TBC1D1: variants seen among roughly 807,000 people sequenced by gnomAD.
TBC1D1 encodes the protein TBC1 (tre-2/USP6, BUB2, cdc16) domain family, member 1.
TBC1D1 carries 89 observed loss-of-function variants against 125.6 expected under a neutral mutation model. The ratio of observed to expected loss-of-function variants is 0.71; its 90% confidence interval spans 0.60 to 0.85. The LOEUF (loss-of-function observed/expected upper bound fraction) is 0.85, where lower values mean the gene tolerates loss of function less well. TBC1D1 is among the 40% of genes least tolerant of loss of function. The pLI is 0.00. For synonymous variants in TBC1D1, 565 were observed against 564.1 expected (o/e 1.00, Z -0.02); for missense variants, 1,377 against 1,469.2 (o/e 0.94, Z 1.03).
intron 2 of TBC1D1, among the ~76,000 whole-genome samples, chr4:37,914,646 C>G (rs1719325971): frequency 6.6e-6 from 1 of 152,214 alleles, no homozygotes; most frequent in South Asian, 2.1e-4. Context: ...TGCTCAAAAC[C>G]TCTCTAGTGG....
chr4:38,138,075 T>G lies in TBC1D1; in HGVS notation c.*740T>G, dbSNP rs894237962. On this transcript the variant is annotated 3_prime_UTR_variant, in exon 20 of 20. Coordinates refer to ENST00000261439, the MANE Select transcript of TBC1D1 (RefSeq NM_015173.4). ...AATGATTTATTTAATTTGGATATCC[T>G]GATCACTGTCAAGTGAAATGGATCT... The G allele has an allele frequency of 4.6e-5, 7 of 152,302 alleles. No homozygotes were observed. The highest frequency in any genetic ancestry group is 1.7e-4 in the African/African-American group (7 of 41,458). The allele number at this position is 152,302 out of a possible 1,614,324, so 9.4% of individuals were successfully genotyped here.
intron 1 of TBC1D1, among the ~76,000 whole-genome samples, 154 bp downstream of exon 1, chr4:37,891,502 G>A (rs913989729): frequency 7.3e-5 from 11 of 151,668 alleles, no homozygotes; most frequent in African/African-American, 2.4e-4. Flanking sequence ...TCTCTCGGGG[G>A]AGGAAGTTCA....
At chr4:37,999,122 G>A (rs1738466930) in intron 2 of TBC1D1, among the ~76,000 whole-genome samples, 1 of 152,232 alleles carries the variant, frequency 6.6e-6, no homozygotes, top group Admixed American at 6.5e-5. Context: ...GGTGGTGGGC[G>A]CCTGTAATCC....
intron 16 of TBC1D1, among the ~76,000 whole-genome samples, chr4:38,117,147 G>A (rs1254644622): frequency 8.5e-5 from 13 of 152,178 alleles, no homozygotes; most frequent in East Asian, 1.9e-4. Flanking sequence ...GACAGTCTTC[G>A]ATATGGGAGA....
intron 2 of TBC1D1, among the ~76,000 whole-genome samples, chr4:37,938,393 C>T (rs954230454): frequency 1.3e-5 from 2 of 152,036 alleles, no homozygotes; most frequent in Non-Finnish European, 2.9e-5. Context: ...ACTTTTAGTG[C>T]CCAGGAAGCA....
At chr4:38,100,951 A>G (rs1274867416) in intron 14 of TBC1D1, among the ~76,000 whole-genome samples, 1 of 152,176 alleles carries the variant, frequency 6.6e-6, no homozygotes, top group Non-Finnish European at 1.5e-5. Flanking sequence ...CCAAGAGAAA[A>G]TGGCAGTCAG....
At position 38,051,809 on chromosome 4, in the gene TBC1D1, C is replaced by T. The variant is rs950930052; in HGVS notation, c.1910+1911C>T. On this transcript the variant is annotated intron_variant, in intron 11 of 19. Coordinates refer to ENST00000261439, the MANE Select transcript of TBC1D1 (RefSeq NM_015173.4). Reference sequence around the variant, plus strand: ...TGTTACTGGAACAACGAGACAAAAGCGGTGTGCTCCTTCCACCTGTTTGCT... The same window carrying T: ...TGTTACTGGAACAACGAGACAAAAGTGGTGTGCTCCTTCCACCTGTTTGCT... The T allele has an allele frequency of 2.8e-5, 36 of 1,264,196 alleles. No homozygotes were observed. In the African/African-American group the frequency reaches 3.6e-4, roughly 13 times the overall value. The allele number at this position is 1,264,196 out of a possible 1,614,324, so 78.3% of individuals were successfully genotyped here. A position where few individuals can be genotyped will look rare whatever the true frequency, so the allele number is the denominator to read the frequency against.
chr4:38,022,661 C>T (rs748980289), intron 6 of TBC1D1, among the ~76,000 whole-genome samples: 8 of 152,134 alleles, frequency 5.3e-5, no homozygotes, highest in Non-Finnish European at 8.8e-5. Flanking sequence ...GGGGAGTCCA[C>T]CTGAGGCAGG....
chr4:37,988,089 T>G (rs1225782674), intron 2 of TBC1D1, among the ~76,000 whole-genome samples: 1 of 152,210 alleles, frequency 6.6e-6, no homozygotes, highest in Non-Finnish European at 1.5e-5. Flanking sequence ...TAGCCTTGTT[T>G]GGCATCACGT....
chr4:38,127,109 C>T (rs758715403), intron 18 of TBC1D1, among the ~76,000 whole-genome samples: 24 of 152,000 alleles, frequency 1.6e-4, no homozygotes, highest in Admixed American at 2.6e-4. Flanking sequence ...CACTACCTGA[C>T]ATGTCACCTT....
intron 2 of TBC1D1, among the ~76,000 whole-genome samples, chr4:37,981,169 C>T (rs1251533320): frequency 2.6e-5 from 4 of 152,126 alleles, no homozygotes; most frequent in Non-Finnish European, 4.4e-5. Context: ...TCTTGAACTC[C>T]TGACCTCAAG....
intron 2 of TBC1D1, chr4:38,007,202 G>A (rs1450699711): frequency 6.4e-6 from 1 of 156,696 alleles, no homozygotes; most frequent in African/African-American, 2.4e-5. Context: ...TTTGGTAAAT[G>A]TTTGGCATCC....
intron 2 of TBC1D1, among the ~76,000 whole-genome samples, chr4:37,948,534 G>A (rs1727195593): frequency 6.6e-6 from 1 of 151,932 alleles, no homozygotes; most frequent in Non-Finnish European, 1.5e-5. Context: ...GGCTGAGGCA[G>A]GAGAATTTCT....
intron 15 of TBC1D1, chr4:38,112,242 G>A (rs1762307654): frequency 3.7e-6 from 1 of 268,204 alleles, no homozygotes; most frequent in Non-Finnish European, 5.7e-6. Flanking sequence ...TTAGTTGCTT[G>A]GACGAAACTT....
intron 7 of TBC1D1, among the ~76,000 whole-genome samples, chr4:38,033,351 C>T (rs2152455159): frequency 6.6e-6 from 1 of 152,048 alleles, no homozygotes; most frequent in East Asian, 1.9e-4. Context: ...CCTCATAATT[C>T]CTGTCTGTTT....
chr4:38,042,686 C>A (rs1748625615), intron 8 of TBC1D1, among the ~76,000 whole-genome samples: 1 of 152,192 alleles, frequency 6.6e-6, no homozygotes, highest in African/African-American at 2.4e-5. Flanking sequence ...CTGGCCAAGA[C>A]CACAGAGCCA....
chr4:37,933,634 T>C (rs1490732382), intron 2 of TBC1D1, among the ~76,000 whole-genome samples: 1 of 152,252 alleles, frequency 6.6e-6, no homozygotes, highest in Non-Finnish European at 1.5e-5. Context: ...TAACATGTTG[T>C]CTGCCATCTA....
intron 2 of TBC1D1, among the ~76,000 whole-genome samples, chr4:37,979,786 T>A (rs1318217168): frequency 6.6e-6 from 1 of 152,270 alleles, no homozygotes; most frequent in Non-Finnish European, 1.5e-5. Context: ...GTTTTTCTTT[T>A]TTTTTGTTTT....
In TBC1D1 at chr4:37,995,556, G is replaced by T; in HGVS notation, c.418-18953G>T. ...CGGTTTTCTCCAGGTTGGTGCTGAT[G>T]ATATGATAAAGCTCAGCACAGAAGG... On this transcript the variant is annotated intron_variant, in intron 2 of 19. Coordinates refer to ENST00000261439, the MANE Select transcript of TBC1D1 (RefSeq NM_015173.4). The surrounding 1 kb of genome is among the most constrained non-coding windows in gnomAD (Gnocchi z 4.3). 2 of 404,574 alleles carry T rather than the reference G, an allele frequency of 4.9e-6. No individual in the cohort carries two copies. The highest frequency in any genetic ancestry group is 1.9e-5 in the South Asian group (1 of 52,160). 25.1% of individuals were successfully genotyped at this position (404,574 alleles called of 1,614,324 possible).
Sources: gnomAD v4.1 joint callset for allele counts (sites outside exome capture counted in the v4.1 genomes callset) on GRCh38, gnomAD v4.1.1 for gene constraint, Gnocchi (gnomAD v3.1) non-coding constraint, MANE v1.5 for transcripts, NCBI Gene and HGNC (gene_info 2026-07-23, HGNC 2026-07-21) for gene names.